DMD: variants seen among roughly 807,000 people sequenced by gnomAD.
DMD encodes mutant dystrophin.
Under a neutral mutation model 330.1 loss-of-function variants are expected in DMD, and 63 were observed. The ratio of observed to expected loss-of-function variants is 0.19; its 90% CI spans 0.16 to 0.24. The LOEUF is 0.24. DMD is among the 10% of genes least tolerant of loss of function. The pLI is 1.00. For missense variants in DMD, 3,344 were observed against 2,684.1 expected, an observed-to-expected ratio of 1.25 and a Z score of -5.43; for synonymous variants, 1,223 against 959.8, an observed-to-expected ratio of 1.27 and a Z score of -5.07.
intron 3 of DMD, among the ~76,000 whole-genome samples, chrX:32,847,439 T>TG (rs2080782383): frequency 8.9e-6 from 1 of 112,162 alleles, no homozygotes; most frequent in East Asian, 2.8e-4. Context: ...CAAATGCAGA[T>TG]GCTTCTGAGT....
chrX:31,477,796 TACACACACACAC>T (rs10597133), intron 59 of DMD, among the ~76,000 whole-genome samples: 20 of 99,317 alleles, frequency 2.0e-4, no homozygotes, highest in African/African-American at 5.1e-4. Flanking sequence ...AATACACCAA[TACACACACACAC>T]ACACACACAC....
At chrX:32,340,325 A>G (rs907352026) in intron 41 of DMD, among the ~76,000 whole-genome samples, 9 of 112,042 alleles carry the variant, frequency 8.0e-5, no homozygotes, top group Admixed American at 3.8e-4. Flanking sequence ...TTTAATATAT[A>G]AAACTTAAGA....
At chrX:31,714,527 A>C (rs904302262) in intron 52 of DMD, among the ~76,000 whole-genome samples, 17 of 111,794 alleles carry the variant, frequency 1.5e-4, no homozygotes, top group African/African-American at 5.5e-4. Flanking sequence ...GGTTTTACAA[A>C]ATCAACTTTA....
chrX:32,083,418 C>A (rs1051460934), intron 44 of DMD, among the ~76,000 whole-genome samples: 1 of 109,872 alleles, frequency 9.1e-6, no homozygotes, highest in Non-Finnish European at 1.9e-5. Flanking sequence ...CCACTACGCC[C>A]GGCTGATTTT....
rs755543823 is a variant in DMD, at chrX:31,485,745, C to T, written c.8548-6642G>A. 1.7e-4 allele frequency among the ~76,000 whole-genome samples: 19 copies of T among 111,663 alleles called. No individual in the cohort carries two copies. In the East Asian group the frequency reaches 3.4e-3, roughly 20 times the overall value. ...ATTACTATGGATGTGAGTAAAAGCC[C>T]GTGCTTTTCAAAACACAGATGTCTT... On this transcript the variant is annotated intron_variant, in intron 57 of 78. Transcript: ENST00000357033.
chrX:32,237,913 G>A (rs909256907), intron 43 of DMD, among the ~76,000 whole-genome samples: 1 of 111,728 alleles, frequency 9.0e-6, no homozygotes, highest in Non-Finnish European at 1.9e-5. Flanking sequence ...TTTTGGAATT[G>A]CTTATTATTG....
intron 63 of DMD, among the ~76,000 whole-genome samples, chrX:31,224,367 G>A (rs896511828): frequency 8.9e-6 from 1 of 112,120 alleles, no homozygotes; most frequent in African/African-American, 3.2e-5. Flanking sequence ...AGTCACTTGG[G>A]TCAACATTTT....
Position 32,614,314 on chromosome X carries a change from G to T in DMD, c.1471C>A (p.Gln491Lys), listed in dbSNP as rs373489300. ...PDLEDLKRQV[Q>K]QHKVLQEDLE... ...TAAGATACACCTACCTTATGTTGTT[G>T]TACTTGGCGTTTTAGGTCTTCAAGA... Residue 491 changes from glutamine (Q) to lysine (K), a missense_variant, in exon 12 of 79, where the codon CAA becomes AAA. Gln to Lys is a moderately conservative substitution (Grantham distance 53, BLOSUM62 1). Coordinates refer to ENST00000357033, the MANE Select transcript of DMD (RefSeq NM_004006.3). 8.3e-7 allele frequency: 1 copy of T among 1,208,177 alleles called. No homozygotes were observed. The highest frequency in any genetic ancestry group is 2.2e-5 in the Admixed American group (1 of 45,712).
intron 2 of DMD, among the ~76,000 whole-genome samples, chrX:32,851,040 G>A (rs764932640): frequency 1.2e-4 from 13 of 111,899 alleles, no homozygotes; most frequent in Non-Finnish European, 1.9e-4. Flanking sequence ...TCCAAAAAAC[G>A]TCAGGTGATG....
At position 32,009,035 on chromosome X, in the gene DMD, T is replaced by C. The variant is rs146806461; in HGVS notation, c.6439-40521A>G. ...ATATTTCTCAGGAAGATTAATAACATAGCGGTATAGTGAGAGATTGGTAAT... is the reference window on the plus strand; with the variant it reads ...ATATTTCTCAGGAAGATTAATAACACAGCGGTATAGTGAGAGATTGGTAAT... On this transcript the variant is annotated intron_variant, in intron 44 of 78. Transcript: ENST00000357033. 4.7e-3 allele frequency among the ~76,000 whole-genome samples: 523 copies of C among 111,378 alleles called. 7 individuals are homozygous for C. Among genetic ancestry groups the C allele is most frequent in the African/African-American group, 0.016 (490 of 30,676 alleles).
At chrX:32,780,216 G>A (rs183108088) in intron 7 of DMD, among the ~76,000 whole-genome samples, 35 of 111,822 alleles carry the variant, frequency 3.1e-4, no homozygotes, top group East Asian at 5.6e-4. Context: ...AAAATTATAC[G>A]ATGAATGTAG....
intron 1 of DMD, among the ~76,000 whole-genome samples, chrX:33,229,130 T>C (rs2052344360): frequency 9.0e-6 from 1 of 111,326 alleles, no homozygotes; most frequent in East Asian, 2.8e-4. Flanking sequence ...GCAACTGATA[T>C]GCAAATATTT....
At chrX:32,454,873 G>A (rs1304501853) in intron 25 of DMD, 41 bp from the exon 26 acceptor site, 1 of 1,172,937 alleles carries the variant, frequency 8.5e-7, no homozygotes, top group South Asian at 1.8e-5. Context: ...TATTGACAGT[G>A]ATGAAACATT....
At chrX:32,383,653 A>G (rs2097939649) in intron 33 of DMD, among the ~76,000 whole-genome samples, 1 of 110,724 alleles carries the variant, frequency 9.0e-6, no homozygotes, top group African/African-American at 3.3e-5. Context: ...ATTAAAGTTA[A>G]ATATGATTTC....
intron 62 of DMD, among the ~76,000 whole-genome samples, chrX:31,296,585 T>G (rs895081621): frequency 1.8e-5 from 2 of 111,783 alleles, no homozygotes; most frequent in Admixed American, 9.5e-5. Context: ...AGGCATCTTT[T>G]AAAACCCTAC....
intron 42 of DMD, among the ~76,000 whole-genome samples, chrX:32,306,702 C>T (rs1039940050): frequency 1.8e-5 from 2 of 110,203 alleles, no homozygotes; most frequent in Non-Finnish European, 3.8e-5. Flanking sequence ...CCTTCCCTCA[C>T]TCTCTTTCTT....
intron 52 of DMD, among the ~76,000 whole-genome samples, chrX:31,705,515 C>A (rs1167434405): frequency 8.9e-6 from 1 of 112,993 alleles, no homozygotes; most frequent in African/African-American, 3.2e-5. Flanking sequence ...GCAAAGTACA[C>A]CTAGGTCACT....
chrX:33,315,510 T>C (rs1603430157), intron 1 of DMD, among the ~76,000 whole-genome samples: 2 of 112,293 alleles, frequency 1.8e-5, no homozygotes, highest in Admixed American at 9.4e-5. Flanking sequence ...CAATACGATG[T>C]GTGTGTTGTC....
intron 1 of DMD, among the ~76,000 whole-genome samples, chrX:33,250,226 G>A (rs1485098320): frequency 1.9e-5 from 2 of 106,298 alleles, no homozygotes; most frequent in South Asian, 4.2e-4. Flanking sequence ...CACAGACAGG[G>A]GTTTGGGGGA....
Sources: allele counts gnomAD v4.1 joint callset (sites outside exome capture counted in the v4.1 genomes callset), GRCh38; gene constraint gnomAD v4.1.1; transcripts MANE v1.5; gene names NCBI Gene and HGNC (gene_info 2026-07-23, HGNC 2026-07-21).